TSPEAR: variants seen among roughly 807,000 people sequenced by gnomAD.
TSPEAR encodes thrombospondin type laminin G domain and EAR repeats.
TSPEAR carries 69 observed loss-of-function variants against 71.6 expected under a neutral mutation model. The ratio of observed to expected loss-of-function variants is 0.96; its 90% CI spans 0.79 to 1.18. The LOEUF (loss-of-function observed/expected upper bound fraction) is 1.18. Ranked by LOEUF, TSPEAR falls within the 50% of genes most tolerant of loss-of-function variation. TSPEAR has a pLI of 0.00. For missense variants in TSPEAR, 971 were observed against 894.9 expected, an observed-to-expected ratio of 1.09 and a Z score of -1.09; for synonymous variants, 402 against 387.2, an observed-to-expected ratio of 1.04 and a Z score of -0.45.
At chr21:44,528,694 G>A in intron 5 of TSPEAR, 111 bp from the exon 6 acceptor site, 1 of 1,374,576 alleles carries the variant, frequency 7.3e-7, no homozygotes, top group Non-Finnish European at 9.8e-7. Flanking sequence ...TCTGCATGCG[G>A]GCCTGGAAGG....
At chr21:44,632,016 C>A (rs1555935804) in intron 1 of TSPEAR, among the ~76,000 whole-genome samples, 1 of 152,122 alleles carries the variant, frequency 6.6e-6, no homozygotes, top group African/African-American at 2.4e-5. Context: ...GACCGCACTG[C>A]ATTATGAATG....
At chr21:44,597,563 G>C (rs932309178) in intron 1 of TSPEAR, among the ~76,000 whole-genome samples, 7 of 151,758 alleles carry the variant, frequency 4.6e-5, no homozygotes, top group African/African-American at 1.7e-4. Context: ...CTCCCAAGTA[G>C]CTGAGATTAC....
intron 1 of TSPEAR, chr21:44,591,233 G>T (rs79963607): frequency 0.2 from 280,157 of 1,374,320 alleles, 3,170 homozygotes; most frequent in East Asian, 0.25. Context: ...CATGCAGCCA[G>T]CATCTGGGAA....
intron 1 of TSPEAR, among the ~76,000 whole-genome samples, chr21:44,588,545 G>T (rs1979491138): frequency 6.6e-6 from 1 of 151,916 alleles, no homozygotes; most frequent in South Asian, 2.1e-4. Flanking sequence ...CGGAGGAAAA[G>T]ACGTCATTAT....
intron 8 of TSPEAR, among the ~76,000 whole-genome samples, chr21:44,524,168 TAATC>T (rs1192696257): frequency 1.3e-5 from 2 of 150,566 alleles, no homozygotes; most frequent in African/African-American, 4.9e-5. Flanking sequence ...AGTAGTTAGG[TAATC>T]AGTCAGTCAG....
At chr21:44,606,163 C>CAAAA (rs61407657) in intron 1 of TSPEAR, among the ~76,000 whole-genome samples, 1,834 of 70,852 alleles carry the variant, frequency 0.026, 50 homozygotes, top group East Asian at 0.15. Flanking sequence ...GACCCTGGCT[C>CAAAA]AAAAAAAAAA....
At chr21:44,654,656 G>T (rs1555942243) in intron 1 of TSPEAR, 1 of 1,354,486 alleles carries the variant, frequency 7.4e-7, no homozygotes, top group Non-Finnish European at 1.0e-6. Flanking sequence ...GACAGGGCTG[G>T]TCTGGAGCCT....
intron 1 of TSPEAR, among the ~76,000 whole-genome samples, chr21:44,637,095 C>G (rs1601513770): frequency 6.6e-6 from 1 of 152,304 alleles, no homozygotes; most frequent in Non-Finnish European, 1.5e-5. Context: ...GTGGAAGTCA[C>G]CAGGTCAGCC....
At chr21:44,654,716 G>GC in intron 1 of TSPEAR, 1 of 762,032 alleles carries the variant, frequency 1.3e-6, no homozygotes, top group Non-Finnish European at 2.1e-6. Flanking sequence ...CTGGCAACAA[G>GC]CCCCCTGGCA....
At chr21:44,600,574 TCA>T in intron 1 of TSPEAR, 2 of 1,538,918 alleles carry the variant, frequency 1.3e-6, no homozygotes, top group Non-Finnish European at 1.7e-6. Flanking sequence ...ACTCACTCAT[TCA>T]CTCACTCACC....
At position 44,499,954 on chromosome 21, in the gene TSPEAR, G is replaced by C. The variant is rs1555910943; in HGVS notation, c.1857-18C>G. The C allele has an allele frequency of 6.3e-7, 1 of 1,593,324 alleles. No homozygotes were observed. Among genetic ancestry groups the C allele is most frequent in the Non-Finnish European group, 8.5e-7 (1 of 1,173,252 alleles). On this transcript the variant is annotated intron_variant, in intron 11 of 11. Coordinates refer to ENST00000323084, the MANE Select transcript of TSPEAR (RefSeq NM_144991.3). ...CCTGCCACCTGCGGAACAGACAGCG[G>C]CAGCCGGGTCAGCCTGGGCTCTGCG... is the stretch of plus-strand genomic sequence containing the variant.
chr21:44,528,698 T>C, intron 5 of TSPEAR, 115 bp from the exon 6 acceptor site: 1 of 1,363,250 alleles, frequency 7.3e-7, no homozygotes, highest in South Asian at 1.5e-5. Context: ...CATGCGGGCC[T>C]GGAAGGGCCC....
In TSPEAR at chr21:44,612,597, G is replaced by A. The variant is rs1360429438; in HGVS notation, c.83-44592C>T. 1 of 1,614,046 alleles carries A rather than the reference G, an allele frequency of 6.2e-7. No homozygotes were observed. The highest frequency in any genetic ancestry group is 1.3e-5 in the African/African-American group (1 of 74,968). On this transcript the variant is annotated intron_variant, in intron 1 of 11. Coordinates refer to ENST00000323084, the MANE Select transcript of TSPEAR (RefSeq NM_144991.3). This position sits in a 1 kb window ranked among gnomAD's most constrained non-coding sequence, Gnocchi z 4.1. The stretch of plus-strand genomic sequence containing the variant: ...TTCTCCCCATGCCAACAGGCCTGCT[G>A]TGTGCCCATCTGCTGCAAGCCCATC...
At chr21:44,647,333 C>T in intron 1 of TSPEAR, 1 of 1,613,888 alleles carries the variant, frequency 6.2e-7, no homozygotes, top group Non-Finnish European at 8.5e-7. Flanking sequence ...AGCCTCTGCT[C>T]AGGCAAGAAG....
At position 44,592,776 on chromosome 21, in the gene TSPEAR, G is replaced by A. The variant is rs112937464; in HGVS notation, c.83-24771C>T. 5.8e-3 allele frequency among the ~76,000 whole-genome samples: 877 copies of A among 152,242 alleles called. 7 individuals are homozygous for A. The highest frequency in any genetic ancestry group is 8.9e-3 in the Non-Finnish European group (604 of 68,000). ...GGGAGCTGGGAGAGCCACAGGTCGC[G>A]GCATCGTCCACCCCTGGCCCCAGCA... On this transcript the variant is annotated intron_variant, in intron 1 of 11. Coordinates refer to ENST00000323084, the MANE Select transcript of TSPEAR (RefSeq NM_144991.3).
intron 1 of TSPEAR, chr21:44,591,729 C>T: frequency 6.3e-7 from 1 of 1,595,156 alleles, no homozygotes; most frequent in African/African-American, 1.4e-5. Context: ...AGCTAGACTG[C>T]TGGCAGCATG....
chr21:44,537,967 T>C (rs1386144815), intron 2 of TSPEAR, among the ~76,000 whole-genome samples: 1 of 151,718 alleles, frequency 6.6e-6, no homozygotes, highest in Non-Finnish European at 1.5e-5. Flanking sequence ...TCACGCGGGG[T>C]CCCCCAGCCA....
At chr21:44,627,815 G>A (rs1555934846) in intron 1 of TSPEAR, 1 of 1,611,046 alleles carries the variant, frequency 6.2e-7, no homozygotes, top group African/African-American at 1.3e-5. Flanking sequence ...CAGTCTGGCT[G>A]CCAGCCGGCT....
chr21:44,699,535 GTTC>G (rs372191958), intron 1 of TSPEAR, among the ~76,000 whole-genome samples: 77 of 152,116 alleles, frequency 5.1e-4, no homozygotes, highest in African/African-American at 1.7e-3. Flanking sequence ...CCAACACACC[GTTC>G]TTCTCTTCCC....
Sources: allele counts gnomAD v4.1 joint callset (sites outside exome capture counted in the v4.1 genomes callset), GRCh38; gene constraint gnomAD v4.1.1; non-coding constraint Gnocchi (gnomAD v3.1); transcripts MANE v1.5; gene names NCBI Gene and HGNC (gene_info 2026-07-23, HGNC 2026-07-21).